The following AGO4 variants were observed in gnomAD, a reference collection of about 807,000 sequenced individuals.
The protein encoded by AGO4 is protein argonaute-4.
AGO4 carries 33 observed loss-of-function variants against 104.7 expected under a neutral mutation model. The ratio of observed to expected loss-of-function variants is 0.32; its 90% CI spans 0.24 to 0.42. The LOEUF is 0.42. Ranked by LOEUF, AGO4 falls within the 10% of genes least tolerant of loss-of-function variation. AGO4 has a pLI of 1.00. For synonymous variants in AGO4, 331 were observed against 364.7 expected (o/e 0.91, Z 1.05); for missense variants, 711 against 1,083.4 (o/e 0.66, Z 4.83).
chr1:35,819,562 T>C (rs1295727884), intron 2 of AGO4, among the ~76,000 whole-genome samples: 1 of 151,900 alleles, frequency 6.6e-6, no homozygotes, highest in Non-Finnish European at 1.5e-5. Context: ...ACCCTGTCTC[T>C]ACTAATGATA....
chr1:35,842,170 G>T (rs1644462252), intron 15 of AGO4, among the ~76,000 whole-genome samples: 1 of 152,118 alleles, frequency 6.6e-6, no homozygotes, highest in African/African-American at 2.4e-5. Flanking sequence ...CCAACCCCCA[G>T]ACTGTGGACT....
In AGO4 at chr1:35,853,675, C is replaced by T; in HGVS notation, c.*70C>T. On this transcript the variant is annotated 3_prime_UTR_variant, in exon 18 of 18. Transcript: ENST00000373210. ...CTCAAAATGTTTCAAATGCCTACCG[C>T]CTCTAGATCGAGCCACGTTGACTTC... 7.4e-7 allele frequency: 1 copy of T among 1,355,142 alleles called. No homozygotes were observed. Among genetic ancestry groups the T allele is most frequent in the Admixed American group, 1.9e-5 (1 of 53,558 alleles). 83.9% of individuals were successfully genotyped at this position (1,355,142 alleles called of 1,614,324 possible).
In AGO4 at chr1:35,855,252, C is replaced by T. The variant is rs1366412182; in HGVS notation, c.*1647C>T. ...AAGGAGCTAGGGAAAGAGATAGACA[C>T]AATGGGGTGAAAACAATTTTGCCGC... On this transcript the variant is annotated 3_prime_UTR_variant, in exon 18 of 18. Transcript: ENST00000373210. 2 of 152,718 alleles carry T rather than the reference C, an allele frequency of 1.3e-5. No individual in the cohort carries two copies. The highest frequency in any genetic ancestry group is 2.9e-5 in the Non-Finnish European group (2 of 68,172). The allele number at this position is 152,718 out of a possible 1,614,324, so 9.5% of individuals were successfully genotyped here.
At chr1:35,839,732 C>T (rs1644394638) in intron 13 of AGO4, among the ~76,000 whole-genome samples, 1 of 152,040 alleles carries the variant, frequency 6.6e-6, no homozygotes, top group Admixed American at 6.6e-5. Flanking sequence ...AGCCTCTTCT[C>T]CCATGGGACC....
rs1643390291 is a variant in AGO4, at chr1:35,808,769, A to G, written c.19+334A>G. ...GTAGTTTGGGCCTCAGAAGGGGGCGATCCGCTACCCAGTGCGCGCGGAGGC... is the reference window on the plus strand; with the variant it reads ...GTAGTTTGGGCCTCAGAAGGGGGCGGTCCGCTACCCAGTGCGCGCGGAGGC... On this transcript the variant is annotated intron_variant, in intron 1 of 17. Coordinates refer to ENST00000373210, the MANE Select transcript of AGO4 (RefSeq NM_017629.4). This position sits in a 1 kb window ranked among gnomAD's most constrained non-coding sequence, Gnocchi z 5.2. Among the ~76,000 whole-genome samples the G allele has an allele frequency of 6.6e-6, 1 of 152,164 alleles. No individual in the cohort carries two copies. The highest frequency in any genetic ancestry group is 1.5e-5 in the Non-Finnish European group (1 of 68,012).
At position 35,826,005 on chromosome 1, in the gene AGO4, A is replaced by G; in HGVS notation, c.705A>G (p.Glu235=). ...CEVLDIQNIN[E]QTKPLTDSQR... is the part of the protein sequence containing the mutation. ...TTTTAGACATTCAGAACATCAATGA[A>G]CAGACCAAACCTCTAACAGACTCCC... is the stretch of plus-strand genomic sequence containing the variant. The change falls in exon 6 of 18, where the codon GAA becomes GAG. Residue 235 remains glutamate (E), a synonymous_variant. Coordinates refer to ENST00000373210, the MANE Select transcript of AGO4 (RefSeq NM_017629.4). The G allele has an allele frequency of 6.2e-7, 1 of 1,614,228 alleles. No individual in the cohort carries two copies. Among genetic ancestry groups the G allele is most frequent in the Non-Finnish European group, 8.5e-7 (1 of 1,180,038 alleles).
At chr1:35,825,550 G>A (rs911559111) in intron 4 of AGO4, 56 bp downstream of exon 4, 5 of 1,564,496 alleles carry the variant, frequency 3.2e-6, no homozygotes, top group Non-Finnish European at 8.6e-7. Flanking sequence ...TTGGTAGGTT[G>A]TACTGGAGCC....
At position 35,825,706 on chromosome 1, in the gene AGO4, C is replaced by A; in HGVS notation, c.516C>A (p.Phe172Leu). ...ACACCCCAGTGGGCCGTTCCTTTTT[C>A]TCACCCCCGGAAGGTTACTACCACC... ...MRYTPVGRSF[F>L]SPPEGYYHPL... The change falls in exon 5 of 18, where the codon TTC becomes TTA. Residue 172 changes from phenylalanine to leucine, a missense_variant. Phe to Leu is a conservative substitution (Grantham distance 22). Coordinates refer to ENST00000373210, the MANE Select transcript of AGO4 (RefSeq NM_017629.4). 6.4e-7 allele frequency: 1 copy of A among 1,568,408 alleles called. No individual in the cohort carries two copies. Among genetic ancestry groups the A allele is most frequent in the Non-Finnish European group, 8.6e-7 (1 of 1,163,382 alleles).
At chr1:35,826,685 G>T in intron 6 of AGO4, 63 bp from the exon 7 acceptor site, 3 of 1,334,666 alleles carry the variant, frequency 2.2e-6, no homozygotes, top group Non-Finnish European at 3.2e-6. Flanking sequence ...GACAACATTT[G>T]AATCTGTTTT....
At position 35,841,651 on chromosome 1, in the gene AGO4, A is replaced by T. The variant is rs1490054766; in HGVS notation, c.2076A>T (p.Ala692=). 1 of 1,612,790 alleles carries T rather than the reference A, an allele frequency of 6.2e-7. No individual in the cohort carries two copies. The highest frequency in any genetic ancestry group is 8.5e-7 in the Non-Finnish European group (1 of 1,179,242). ...AWPELIAIRK[A]CISLEEDYRP... ...CAGAACTAATAGCAATTCGAAAGGC[A>T]TGTATTAGCTTGGAAGAAGATTACC... The change falls in exon 15 of 18, where the codon GCA becomes GCT. Residue 692 remains alanine, a synonymous_variant. Transcript: ENST00000373210. This position sits in a 1 kb window ranked among gnomAD's most constrained non-coding sequence, Gnocchi z 4.7.
At chr1:35,815,584 G>A (rs1643665369) in intron 1 of AGO4, among the ~76,000 whole-genome samples, 1 of 152,068 alleles carries the variant, frequency 6.6e-6, no homozygotes, top group African/African-American at 2.4e-5. Context: ...ATTTTAAGAG[G>A]GGAGAGAGTA....
chr1:35,831,347 T>C, intron 7 of AGO4, 80 bp from the exon 8 acceptor site: 1 of 1,470,544 alleles, frequency 6.8e-7, no homozygotes, highest in African/African-American at 1.4e-5. Flanking sequence ...TGAGACACTG[T>C]CTCAAAAAAA....
In AGO4 at chr1:35,841,061, CTCTTA is replaced by C; in HGVS notation, c.1725-102_1725-98del. ...CCCAATGGGCTTAAGTCTTTGTTCT[CTCTTA>C]TAAGGTTATATCTGATTATATCTGG... On this transcript the variant is annotated intron_variant, in intron 13 of 17. Transcript: ENST00000373210. The surrounding 1 kb of genome is among the most constrained non-coding windows in gnomAD (Gnocchi z 4.7). 1 of 1,261,708 alleles carries C rather than the reference CTCTTA, an allele frequency of 7.9e-7. No individual in the cohort carries two copies. Among genetic ancestry groups the C allele is most frequent in the Non-Finnish European group, 1.1e-6 (1 of 906,596 alleles). 78.2% of individuals were successfully genotyped at this position (1,261,708 alleles called of 1,614,324 possible). A position where few individuals can be genotyped will look rare whatever the true frequency, so the allele number is the denominator to read the frequency against.
intron 7 of AGO4, among the ~76,000 whole-genome samples, chr1:35,828,546 T>G (rs1644093321): frequency 6.6e-6 from 1 of 151,510 alleles, no homozygotes; most frequent in South Asian, 2.1e-4. Context: ...TGAGACAGAG[T>G]TTAGCTCTTG....
At position 35,808,017 on chromosome 1, in the gene AGO4, T is replaced by C. The variant is rs1412025692; in HGVS notation, c.-400T>C. Among the ~76,000 whole-genome samples, 1 of 149,904 alleles carries C rather than the reference T, an allele frequency of 6.7e-6. No individual in the cohort carries two copies. The highest frequency in any genetic ancestry group is 1.5e-5 in the Non-Finnish European group (1 of 67,102). ...TCTGCACCCTCCGGGCGCGCGCTCG[T>C]TCCCCGACCCGCCTCGCCGCCTGCC... On this transcript the variant is annotated 5_prime_UTR_variant, in exon 1 of 18. Transcript: ENST00000373210. The surrounding 1 kb of genome is among the most constrained non-coding windows in gnomAD (Gnocchi z 5.2).
At chr1:35,845,667 T>C (rs1038450644) in intron 15 of AGO4, among the ~76,000 whole-genome samples, 2 of 152,236 alleles carry the variant, frequency 1.3e-5, no homozygotes, top group African/African-American at 4.8e-5. Context: ...TTACTAAATC[T>C]GTATTTCCAG....
chr1:35,812,748 C>T (rs1395457362), intron 1 of AGO4, among the ~76,000 whole-genome samples: 1 of 152,026 alleles, frequency 6.6e-6, no homozygotes, highest in Non-Finnish European at 1.5e-5. Context: ...CCCACCACCA[C>T]ACCTAGCTAA....
At chr1:35,819,985 T>G (rs1643856846) in intron 2 of AGO4, among the ~76,000 whole-genome samples, 1 of 151,992 alleles carries the variant, frequency 6.6e-6, no homozygotes, top group Non-Finnish European at 1.5e-5. Context: ...CTTGAAGCAC[T>G]CCAATATTTA....
intron 17 of AGO4, among the ~76,000 whole-genome samples, chr1:35,852,294 A>G (rs1467692514): frequency 6.6e-6 from 1 of 152,218 alleles, no homozygotes; most frequent in Non-Finnish European, 1.5e-5. Context: ...AAAGATGGCT[A>G]AGATTTTGAG....
Sources: allele counts gnomAD v4.1 joint callset (sites outside exome capture counted in the v4.1 genomes callset), GRCh38; gene constraint gnomAD v4.1.1; non-coding constraint Gnocchi (gnomAD v3.1); transcripts MANE v1.5; gene names NCBI Gene and HGNC (gene_info 2026-07-23, HGNC 2026-07-21).